FREM1: variants seen among roughly 807,000 people sequenced by gnomAD.
FREM1 encodes the protein FRAS1-related extracellular matrix protein 1.
Under a neutral mutation model 210.1 loss-of-function variants are expected in FREM1, and 220 were observed. That is an observed-to-expected ratio of 1.05 (90% CI 0.94 to 1.17). The LOEUF (loss-of-function observed/expected upper bound fraction) is 1.17, where lower values mean the gene tolerates loss of function less well. Among genes scored for constraint, FREM1 ranks in the 50% most tolerant of loss-of-function variants. The pLI is 0.00. For synonymous variants in FREM1, 1,189 were observed against 980.2 expected, an observed-to-expected ratio of 1.21 and a Z score of -3.98; for missense variants, 3,454 against 2,675.5, an observed-to-expected ratio of 1.29 and a Z score of -6.42.
intron 1 of FREM1, among the ~76,000 whole-genome samples, chr9:14,894,790 G>A (rs1237956277): frequency 6.6e-6 from 1 of 152,192 alleles, no homozygotes; most frequent in Non-Finnish European, 1.5e-5. Flanking sequence ...CTAGTTGTGA[G>A]TATTCTTAAC....
intron 24 of FREM1, chr9:14,779,599 G>C (rs1268513974): frequency 2.6e-6 from 1 of 381,792 alleles, no homozygotes; most frequent in Non-Finnish European, 3.6e-6. Flanking sequence ...TACTCGATGC[G>C]TGCATGGCCT....
intron 1 of FREM1, among the ~76,000 whole-genome samples, chr9:14,874,177 A>G (rs150327933): frequency 1.3e-5 from 2 of 152,272 alleles, no homozygotes; most frequent in African/African-American, 4.8e-5. Context: ...GCAGATGCCT[A>G]TTAGGTCTGC....
intron 24 of FREM1, among the ~76,000 whole-genome samples, chr9:14,778,745 GAAGGA>G (rs746442707): frequency 0.01 from 1,420 of 138,646 alleles, 62 homozygotes; most frequent in South Asian, 0.021. Flanking sequence ...GAAGGGAAGG[GAAGGA>G]AAGGAAAGGA....
intron 1 of FREM1, among the ~76,000 whole-genome samples, chr9:14,906,014 T>C (rs1817637262): frequency 6.6e-6 from 1 of 152,228 alleles, no homozygotes; most frequent in Admixed American, 6.5e-5. Flanking sequence ...GAATGTAACT[T>C]TATTTCCTGT....
intron 1 of FREM1, among the ~76,000 whole-genome samples, chr9:14,885,534 C>T (rs539920794): frequency 6.6e-6 from 1 of 152,122 alleles, no homozygotes; most frequent in African/African-American, 2.4e-5. Context: ...AGCCTCAGCT[C>T]CAGCCTCCCA....
chr9:14,828,016 G>A (rs1007060964), intron 10 of FREM1, among the ~76,000 whole-genome samples: 36 of 152,310 alleles, frequency 2.4e-4, no homozygotes, highest in Admixed American at 2.0e-3. Flanking sequence ...AGAAAGCCTC[G>A]GGACTCAGGC....
intron 25 of FREM1, among the ~76,000 whole-genome samples, chr9:14,771,567 T>C (rs1276608158): frequency 2.0e-5 from 3 of 152,090 alleles, no homozygotes; most frequent in South Asian, 2.1e-4. Flanking sequence ...AAGATGACTG[T>C]TGTAGGTTAT....
chr9:14,894,782 A>C (rs183969329), intron 1 of FREM1, among the ~76,000 whole-genome samples: 1 of 152,334 alleles, frequency 6.6e-6, no homozygotes, highest in Admixed American at 6.5e-5. Flanking sequence ...TTTGGAAACT[A>C]GTTGTGAGTA....
Position 14,801,796 on chromosome 9 carries a change from G to A in FREM1, c.3550C>T (p.Leu1184=). The A allele has an allele frequency of 6.2e-7, 1 of 1,613,990 alleles. No homozygotes were observed. The highest frequency in any genetic ancestry group is 8.5e-7 in the Non-Finnish European group (1 of 1,179,876). The change falls in exon 20 of 37, where the codon CTG becomes TTG. Residue 1184 remains leucine (L), a synonymous_variant. Coordinates refer to ENST00000380880, the MANE Select transcript of FREM1 (RefSeq NM_001379081.2). ...VDLDIPQDAL[L]FSITQKPRHG... ...CGTGGCTTTTGAGTGATGCTGAACA[G>A]CAGGGCATCCTGGGGAATGTCCAGG... is the stretch of plus-strand genomic sequence containing the variant.
chr9:14,784,712 G>T, intron 23 of FREM1, 78 bp from the exon 24 acceptor site: 1 of 1,121,464 alleles, frequency 8.9e-7, no homozygotes, highest in Middle Eastern at 2.7e-4. Flanking sequence ...GAAGACAAAG[G>T]CCAAAACTGT....
chr9:14,866,897 T>C (rs1356933842), intron 2 of FREM1, among the ~76,000 whole-genome samples: 1 of 151,866 alleles, frequency 6.6e-6, no homozygotes, highest in Non-Finnish European at 1.5e-5. Flanking sequence ...TCTCACACTA[T>C]CACCCAGGCT....
In FREM1 at chr9:14,841,464, T is replaced by C; in HGVS notation, c.1864A>G (p.Asn622Asp). The change falls in exon 10 of 37, where the codon AAT (asparagine) becomes GAT (aspartate). Residue 622 changes from asparagine to aspartate, a missense_variant. Transcript: ENST00000380880. The part of the protein sequence containing the change: ...FVLWDSHEPP[N>D]LSVPQVATIH... ...TCTCTTACCTGTGGCACTGAAAGAT[T>C]TGGAGGTTCATGGCTGTCCCACAGG... The C allele has an allele frequency of 3.7e-6, 6 of 1,607,312 alleles. No homozygotes were observed. The highest frequency in any genetic ancestry group is 5.1e-6 in the Non-Finnish European group (6 of 1,175,504).
At chr9:14,848,587 A>T in intron 7 of FREM1, 78 bp downstream of exon 7, 1 of 739,654 alleles carries the variant, frequency 1.4e-6, no homozygotes, top group East Asian at 2.6e-5. Flanking sequence ...GAATAAAACT[A>T]CCTTTCTTTC....
chr9:14,869,300 T>C (rs1293915457), intron 1 of FREM1, 56 bp from the exon 2 acceptor site: 1 of 252,812 alleles, frequency 4.0e-6, no homozygotes, highest in South Asian at 1.3e-4. Flanking sequence ...AAGGTTTATG[T>C]GGCTATTCAA....
In FREM1 at chr9:14,755,312, G is replaced by A. The variant is rs113837963; in HGVS notation, c.5407+1062C>T. Among the ~76,000 whole-genome samples, 1,390 of 152,322 alleles carry A rather than the reference G, an allele frequency of 9.1e-3. 28 individuals carry two copies. Among genetic ancestry groups the A allele is most frequent in the African/African-American group, 0.032 (1,333 of 41,556 alleles). ...CATTAAGATAGGCAATTTTGAGGTG[G>A]TGCTGGTACTTAGGCCATTTTCTTT... On this transcript the variant is annotated intron_variant, in intron 29 of 36. Transcript: ENST00000380880.
At chr9:14,824,665 T>C (rs1198108604) in intron 11 of FREM1, 131 bp downstream of exon 11, 4 of 631,356 alleles carry the variant, frequency 6.3e-6, no homozygotes, top group Non-Finnish European at 1.1e-5. Context: ...AACGCTTAAT[T>C]GAGTATAATT....
chr9:14,902,659 G>C (rs1290119253), intron 1 of FREM1, among the ~76,000 whole-genome samples: 3 of 152,122 alleles, frequency 2.0e-5, no homozygotes, highest in Non-Finnish European at 4.4e-5. Flanking sequence ...CACCACAGAG[G>C]CTCTACGGAC....
Position 14,859,240 on chromosome 9 carries a change from C to A in FREM1, c.574G>T (p.Glu192Ter). The A allele has an allele frequency of 1.2e-6, 2 of 1,611,748 alleles. No homozygotes were observed. Among genetic ancestry groups the A allele is most frequent in the Non-Finnish European group, 1.7e-6 (2 of 1,178,412 alleles). The change falls in exon 4 of 37, where the codon GAG (glutamate) becomes TAG (stop). Residue 192 changes from glutamate (E) to a stop codon, truncating the protein, a stop_gained. Transcript: ENST00000380880. LOFTEE classifies it high-confidence loss of function. Reference sequence around the variant, plus strand: ...CCACGAGGTTCTTCTGGTCGAGGCTCCCCGAGAACCATCTGGCCATGGGCT... The same window carrying A: ...CCACGAGGTTCTTCTGGTCGAGGCTACCCGAGAACCATCTGGCCATGGGCT... ...LPAHGQMVLG[E>*]PRPEEPRGDQ... is the part of the protein sequence containing the mutation.
In FREM1 at chr9:14,803,381, C is replaced by G. The variant is rs570588446; in HGVS notation, c.3472-1507G>C. The stretch of plus-strand genomic sequence containing the variant: ...CCTTCTTTCCATCCTTCCTTCCTTC[C>G]TCATAGTCTTCTCTGTTGCCCAGGC... On this transcript the variant is annotated intron_variant, in intron 19 of 36. Transcript: ENST00000380880. Among the ~76,000 whole-genome samples, 15 of 131,692 alleles carry G rather than the reference C, an allele frequency of 1.1e-4. No individual in the cohort carries two copies. In the East Asian group the frequency reaches 3.5e-3, roughly 30 times the overall value. 86.4% of individuals were successfully genotyped at this position (131,692 alleles called of 152,430 possible).
Sources: allele counts gnomAD v4.1 joint callset (sites outside exome capture counted in the v4.1 genomes callset), GRCh38; gene constraint gnomAD v4.1.1; transcripts MANE v1.5; gene names NCBI Gene and HGNC (gene_info 2026-07-23, HGNC 2026-07-21).